MCC: variants seen among roughly 807,000 people sequenced by gnomAD.
MCC encodes MCC regulator of Wnt signaling pathway.
In MCC, 90 loss-of-function variants were observed where a neutral mutation model predicts 116.2. That is an observed-to-expected ratio of 0.77 (90% CI 0.65 to 0.92). The LOEUF (loss-of-function observed/expected upper bound fraction) is 0.92. Among genes scored for constraint, MCC ranks in the 40% least tolerant of loss-of-function variants. The pLI, the probability that MCC is intolerant of heterozygous loss-of-function variation, is 0.00. For missense variants in MCC, 1,516 were observed against 1,312.2 expected (o/e 1.16, Z -2.40); for synonymous variants, 578 against 510.5 (o/e 1.13, Z -1.78).
intron 2 of MCC, among the ~76,000 whole-genome samples, chr5:113,363,354 A>C (rs1347855923): frequency 6.6e-6 from 1 of 152,246 alleles, no homozygotes; most frequent in Non-Finnish European, 1.5e-5. Context: ...ATTGGCTCAC[A>C]GTTCCACCGG....
chr5:113,151,345 T>C lies in MCC; in HGVS notation c.705A>G (p.Glu235=). ...LNKRLQQTER[E]RDLLEKKLAK... Reference sequence around the variant, plus strand: ...CCAATTTCTTTTCCAGAAGGTCCCGTTCCCTCTCTGTTTGCTGGAGACGTT... The same window carrying C: ...CCAATTTCTTTTCCAGAAGGTCCCGCTCCCTCTCTGTTTGCTGGAGACGTT... The change falls in exon 4 of 19, where the codon GAA becomes GAG. Residue 235 remains glutamate, a synonymous_variant. Coordinates refer to ENST00000408903, the MANE Select transcript of MCC (RefSeq NM_001085377.2). 6.2e-7 allele frequency: 1 copy of C among 1,613,842 alleles called. No individual in the cohort carries two copies. Among genetic ancestry groups the C allele is most frequent in the Non-Finnish European group, 8.5e-7 (1 of 1,179,832 alleles).
Position 113,488,245 on chromosome 5 carries a change from C to G in MCC, c.170G>C (p.Arg57Thr), listed in dbSNP as rs771983235. The G allele has an allele frequency of 6.3e-7, 1 of 1,593,690 alleles. No individual in the cohort carries two copies. The highest frequency in any genetic ancestry group is 8.5e-7 in the Non-Finnish European group (1 of 1,170,900). ...GGTTTCCTCGTACCTCCCCGCGTAC[C>G]TGCTGATGTATCCGTCCCCGTCGCC... ...CDGDGDGYIS[R>T]NDLLMVCRQL... Residue 57 changes from arginine to threonine, a missense_variant and splice_region_variant, in exon 1 of 19, where the codon AGA becomes ACA. By Grantham distance (71) the Arg-to-Thr change is moderately conservative (BLOSUM62 -1). Coordinates refer to ENST00000408903, the MANE Select transcript of MCC (RefSeq NM_001085377.2).
At chr5:113,102,680 AG>A (rs1756493555) in intron 7 of MCC, among the ~76,000 whole-genome samples, 1 of 152,254 alleles carries the variant, frequency 6.6e-6, no homozygotes, top group South Asian at 2.1e-4. Flanking sequence ...TAGGGAAAAA[AG>A]GAAGAAGTCA....
At chr5:113,069,582 T>C (rs1484767874) in intron 12 of MCC, among the ~76,000 whole-genome samples, 2 of 152,254 alleles carry the variant, frequency 1.3e-5, no homozygotes, top group South Asian at 2.1e-4. Flanking sequence ...TTCTTTTTTT[T>C]CTTTGAGACG....
intron 3 of MCC, among the ~76,000 whole-genome samples, chr5:113,194,181 T>C (rs1762276337): frequency 6.6e-6 from 1 of 152,220 alleles, no homozygotes; most frequent in African/African-American, 2.4e-5. Flanking sequence ...TCTGACAAAT[T>C]ACTGAATCTG....
chr5:113,253,516 C>A (rs959896993), intron 3 of MCC, among the ~76,000 whole-genome samples: 1 of 152,080 alleles, frequency 6.6e-6, no homozygotes, highest in African/African-American at 2.4e-5. Flanking sequence ...ACATACTATG[C>A]CCTCAATTTC....
At chr5:113,368,925 A>G (rs1038332069) in intron 2 of MCC, among the ~76,000 whole-genome samples, 5 of 152,208 alleles carry the variant, frequency 3.3e-5, no homozygotes, top group Admixed American at 3.3e-4. Context: ...GGGTTCCCAC[A>G]ATCTTTTCCT....
chr5:113,043,459 G>A, intron 17 of MCC, 71 bp downstream of exon 17: 1 of 1,358,752 alleles, frequency 7.4e-7, no homozygotes, highest in East Asian at 2.4e-5. Flanking sequence ...TTTGGGAGCA[G>A]CAAAGAGAAC....
chr5:113,087,335 T>C (rs530559120), intron 8 of MCC, among the ~76,000 whole-genome samples: 2 of 152,228 alleles, frequency 1.3e-5, no homozygotes, highest in Non-Finnish European at 2.9e-5. Context: ...TAACGGAGGA[T>C]CGATGGAAAC....
chr5:113,034,815 C>T lies in MCC; in HGVS notation c.2757-5759G>A, dbSNP rs184105243. On this transcript the variant is annotated intron_variant, in intron 17 of 18. Transcript: ENST00000408903. Reference sequence around the variant, plus strand: ...CCCTTCTGTCCTTTTCTTACCTGCCCGCATCACCTGCAGGGCTGACAGCCT... The same window carrying T: ...CCCTTCTGTCCTTTTCTTACCTGCCTGCATCACCTGCAGGGCTGACAGCCT... Among the ~76,000 whole-genome samples, 4 of 152,354 alleles carry T rather than the reference C, an allele frequency of 2.6e-5. No homozygotes were observed. In the East Asian group the frequency reaches 5.8e-4, roughly 22 times the overall value.
Position 113,122,829 on chromosome 5 carries a change from G to C in MCC, c.885-3C>G. ...GTTCTGAGTACTCATCTTCCTCCCT[G>C]AGAAAAAAGGAGAATTGGCAACCAC... On this transcript the variant is annotated splice_polypyrimidine_tract_variant and splice_region_variant and intron_variant, in intron 5 of 18. Transcript: ENST00000408903. 1 of 1,613,312 alleles carries C rather than the reference G, an allele frequency of 6.2e-7. No homozygotes were observed. Among genetic ancestry groups the C allele is most frequent in the Non-Finnish European group, 8.5e-7 (1 of 1,179,724 alleles).
At chr5:113,347,385 T>G (rs1768160862) in intron 2 of MCC, among the ~76,000 whole-genome samples, 1 of 140,840 alleles carries the variant, frequency 7.1e-6, no homozygotes, top group African/African-American at 3.2e-5. Flanking sequence ...TCTTTTCGTG[T>G]TTTTTTGTTT....
intron 1 of MCC, chr5:113,435,165 G>C (rs1199279708): frequency 9.6e-6 from 3 of 313,888 alleles, no homozygotes; most frequent in African/African-American, 6.1e-5. Flanking sequence ...GCTGGGACCT[G>C]AGGTAGAAGG....
At chr5:113,455,658 T>C (rs1267017500) in intron 1 of MCC, among the ~76,000 whole-genome samples, 2 of 152,184 alleles carry the variant, frequency 1.3e-5, no homozygotes, top group Non-Finnish European at 2.9e-5. Context: ...TTAAACAGTA[T>C]ACAATAGCCC....
At chr5:113,255,437 C>A (rs1363285144) in intron 3 of MCC, among the ~76,000 whole-genome samples, 1 of 152,168 alleles carries the variant, frequency 6.6e-6, no homozygotes, top group Non-Finnish European at 1.5e-5. Context: ...AGAAAACTAA[C>A]CCCCATATCT....
intron 3 of MCC, among the ~76,000 whole-genome samples, chr5:113,188,217 A>G (rs6891544): frequency 0.61 from 92,892 of 152,132 alleles, 30,990 homozygotes; most frequent in East Asian, 0.8. Context: ...TGGATGCCCC[A>G]TTGTCTATTA....
At chr5:113,107,577 G>A (rs576799872) in intron 6 of MCC, among the ~76,000 whole-genome samples, 1 of 152,270 alleles carries the variant, frequency 6.6e-6, no homozygotes, top group East Asian at 1.9e-4. Flanking sequence ...CCCAAGTGAG[G>A]AGAAGAACAA....
chr5:113,301,014 G>A (rs1238520844), intron 3 of MCC, among the ~76,000 whole-genome samples: 4 of 152,194 alleles, frequency 2.6e-5, no homozygotes, highest in South Asian at 4.1e-4. Flanking sequence ...TAGGGTCGGC[G>A]AGTTTGTGGT....
chr5:113,202,453 C>T (rs1358936158), intron 3 of MCC, among the ~76,000 whole-genome samples: 2 of 152,096 alleles, frequency 1.3e-5, no homozygotes, highest in African/African-American at 4.8e-5. Flanking sequence ...CTCCAGTTAC[C>T]GCCAGCTGCC....
Sources: allele counts gnomAD v4.1 joint callset (sites outside exome capture counted in the v4.1 genomes callset), GRCh38; gene constraint gnomAD v4.1.1; transcripts MANE v1.5; gene names NCBI Gene and HGNC (gene_info 2026-07-23, HGNC 2026-07-21).